Variants in GATAD2B observed in about 807,000 individuals in gnomAD.
GATAD2B encodes the protein GATA zinc finger domain containing 2B, also known as transcriptional repressor p66-beta.
Under a neutral mutation model 64.3 loss-of-function variants are expected in GATAD2B, and 8 were observed. The observed-to-expected ratio is 0.12, with a 90% CI of 0.07 to 0.22. GATAD2B has a LOEUF of 0.22. Among genes scored for constraint, GATAD2B ranks in the 10% least tolerant of loss-of-function variants. The pLI is 1.00. For synonymous variants in GATAD2B, 281 were observed against 271.3 expected (o/e 1.04, Z -0.35); for missense variants, 453 against 752.0 (o/e 0.60, Z 4.65).
intron 1 of GATAD2B, chr1:153,853,360 T>G: frequency 1.4e-6 from 1 of 695,228 alleles, no homozygotes; most frequent in Non-Finnish European, 2.7e-6. Context: ...CAAGGGCAGG[T>G]TGACCACCCG....
chr1:153,918,051 CCAAGGTT>C (rs1557836833), intron 1 of GATAD2B, among the ~76,000 whole-genome samples: 2 of 152,094 alleles, frequency 1.3e-5, no homozygotes. Flanking sequence ...TAGGAACCTG[CCAAGGTT>C]CTAAGATAGA....
At position 153,859,919 on chromosome 1, in the gene GATAD2B, T is replaced by C. The variant is rs1283113949; in HGVS notation, c.-1-31571A>G. ...TTTCTTTTCTTTTCTTTTTTTTTTTTTTTTTTTTTTTTTTTTGAGACAGAG... is the reference window on the plus strand; with the variant it reads ...TTTCTTTTCTTTTCTTTTTTTTTTTCTTTTTTTTTTTTTTTTGAGACAGAG... On this transcript the variant is annotated intron_variant, in intron 1 of 10. Transcript: ENST00000368655. Among the ~76,000 whole-genome samples the C allele has an allele frequency of 7.7e-4, 101 of 131,666 alleles. 3 individuals carry two copies. The highest frequency in any genetic ancestry group is 6.1e-4 in the Non-Finnish European group (38 of 62,012). The allele number at this position is 131,666 out of a possible 152,430, so 86.4% of individuals were successfully genotyped here.
chr1:153,813,566 A>G lies in GATAD2B; in HGVS notation c.1217-114T>C, dbSNP rs534154556. 12 of 708,572 alleles carry G rather than the reference A, an allele frequency of 1.7e-5. No individual in the cohort carries two copies. In the East Asian group the frequency reaches 2.4e-4, roughly 14 times the overall value. 43.9% of individuals were successfully genotyped at this position (708,572 alleles called of 1,614,324 possible). On this transcript the variant is annotated intron_variant, in intron 7 of 10. Coordinates refer to ENST00000368655, the MANE Select transcript of GATAD2B (RefSeq NM_020699.4). ...CTGTTGAATTAAAGAAAGAGACTTT[A>G]CAAAAAGGATATTCTATAATTTACA...
At chr1:153,907,336 TTC>T (rs1318070399) in intron 1 of GATAD2B, among the ~76,000 whole-genome samples, 2 of 152,244 alleles carry the variant, frequency 1.3e-5, no homozygotes, top group Admixed American at 6.5e-5. Flanking sequence ...AAAAATGAAA[TTC>T]TGATACATGC....
At chr1:153,823,231 G>C (rs1674746876) in intron 2 of GATAD2B, among the ~76,000 whole-genome samples, 2 of 152,126 alleles carry the variant, frequency 1.3e-5, no homozygotes, top group Non-Finnish European at 1.5e-5. Flanking sequence ...CTACCTATTA[G>C]AGAGATATTA....
chr1:153,894,552 T>C (rs1677521453), intron 1 of GATAD2B, among the ~76,000 whole-genome samples: 4 of 151,694 alleles, frequency 2.6e-5, no homozygotes. Context: ...GTATGTACAT[T>C]ATACCTCAGT....
At chr1:153,888,251 G>A (rs1677244616) in intron 1 of GATAD2B, among the ~76,000 whole-genome samples, 1 of 151,960 alleles carries the variant, frequency 6.6e-6, no homozygotes, top group Non-Finnish European at 1.5e-5. Flanking sequence ...GGCAACTGGG[G>A]GATTCCACTG....
intron 1 of GATAD2B, among the ~76,000 whole-genome samples, chr1:153,880,093 T>A (rs1204239352): frequency 1.3e-5 from 2 of 152,138 alleles, no homozygotes; most frequent in Non-Finnish European, 2.9e-5. Context: ...CTTGCTCTAT[T>A]ATCTGGCTTT....
chr1:153,920,803 T>C (rs1368888648), intron 1 of GATAD2B, among the ~76,000 whole-genome samples: 3 of 152,210 alleles, frequency 2.0e-5, no homozygotes, highest in Admixed American at 6.5e-5. Flanking sequence ...TTAGTACTTT[T>C]CTACCTTGTT....
intron 1 of GATAD2B, 104 bp from the exon 2 acceptor site, chr1:153,828,452 A>G: frequency 1.6e-6 from 1 of 607,118 alleles, no homozygotes; most frequent in South Asian, 1.9e-5. Context: ...TCTCTCTCAC[A>G]CATACACACA....
chr1:153,835,356 C>T (rs1354769359), intron 1 of GATAD2B, among the ~76,000 whole-genome samples: 3 of 151,934 alleles, frequency 2.0e-5, no homozygotes, highest in South Asian at 4.1e-4. Context: ...TAAACAGTAC[C>T]GCATGCTATA....
intron 1 of GATAD2B, among the ~76,000 whole-genome samples, chr1:153,897,992 G>GAAAAAAAAAAAAAA (rs1364485794): frequency 1.4e-5 from 1 of 70,672 alleles, no homozygotes. Context: ...AAAACAAACA[G>GAAAAAAAAAAAAAA]AAAAAAAAAA....
At chr1:153,876,271 T>C (rs1174641205) in intron 1 of GATAD2B, among the ~76,000 whole-genome samples, 2 of 113,032 alleles carry the variant, frequency 1.8e-5, no homozygotes, top group African/African-American at 3.1e-5. Context: ...GATTTCACAG[T>C]CCTTAAATGG....
At chr1:153,891,785 C>A (rs1006043099) in intron 1 of GATAD2B, among the ~76,000 whole-genome samples, 8 of 151,422 alleles carry the variant, frequency 5.3e-5, no homozygotes, top group Non-Finnish European at 1.0e-4. Flanking sequence ...TATCACCTAT[C>A]CAAAAACTGA....
intron 1 of GATAD2B, among the ~76,000 whole-genome samples, chr1:153,864,178 T>C (rs1676401694): frequency 6.6e-6 from 1 of 152,154 alleles, no homozygotes; most frequent in Admixed American, 6.6e-5. Flanking sequence ...AGTGATACAT[T>C]CATCACACAA....
intron 1 of GATAD2B, among the ~76,000 whole-genome samples, chr1:153,875,541 G>A (rs1450614532): frequency 6.6e-6 from 1 of 151,868 alleles, no homozygotes; most frequent in African/African-American, 2.4e-5. Context: ...GACTTTGTGG[G>A]GCAAGTACTA....
chr1:153,892,163 C>CAAAAAAAAAAAAAAAAAAA (rs900308080), intron 1 of GATAD2B, among the ~76,000 whole-genome samples: 1 of 50,334 alleles, frequency 2.0e-5, no homozygotes, highest in Non-Finnish European at 4.0e-5. Context: ...GACTCCGTCT[C>CAAAAAAAAAAAAAAAAAAA]AAAAAAAAAA....
chr1:153,844,128 A>T (rs1219623684), intron 1 of GATAD2B, among the ~76,000 whole-genome samples: 1 of 152,158 alleles, frequency 6.6e-6, no homozygotes, highest in Admixed American at 6.6e-5. Context: ...AGAAGCCCAG[A>T]GATCTGCAAA....
intron 1 of GATAD2B, among the ~76,000 whole-genome samples, chr1:153,903,566 G>C (rs1677841342): frequency 6.6e-6 from 1 of 152,072 alleles, no homozygotes; most frequent in African/African-American, 2.4e-5. Context: ...CAAAATAATA[G>C]CGATGAAAAT....
Sources: allele counts gnomAD v4.1 joint callset (sites outside exome capture counted in the v4.1 genomes callset), GRCh38; gene constraint gnomAD v4.1.1; transcripts MANE v1.5; gene names NCBI Gene and HGNC (gene_info 2026-07-23, HGNC 2026-07-21).